PCDH11X: variants seen among roughly 807,000 people sequenced by gnomAD.
PCDH11X encodes the protein protocadherin 11 X-linked.
In PCDH11X, 18 loss-of-function variants were observed where a neutral mutation model predicts 53.3. That is an observed-to-expected ratio of 0.34 (90% CI 0.23 to 0.50). The LOEUF (loss-of-function observed/expected upper bound fraction) is 0.50, where lower values mean the gene tolerates loss of function less well. PCDH11X is among the 20% of genes least tolerant of loss of function. The pLI is 0.98. For missense variants in PCDH11X, 570 were observed against 1,032.4 expected (o/e 0.55, Z 6.14); for synonymous variants, 279 against 393.3 (o/e 0.71, Z 3.44).
chrX:92,204,003 A>G (rs987305528), intron 7 of PCDH11X, among the ~76,000 whole-genome samples: 1 of 112,141 alleles, frequency 8.9e-6, no homozygotes, highest in African/African-American at 3.2e-5. Context: ...GACCTGTGCT[A>G]TATTTTGGGT....
At chrX:92,155,805 T>C (rs1284979539) in intron 6 of PCDH11X, among the ~76,000 whole-genome samples, 1 of 108,567 alleles carries the variant, frequency 9.2e-6, no homozygotes, top group African/African-American at 3.4e-5. Context: ...TTTTTTTGTA[T>C]TTTTAGTAGA....
At chrX:91,845,983 A>G (rs1220874853) in intron 5 of PCDH11X, among the ~76,000 whole-genome samples, 1 of 110,986 alleles carries the variant, frequency 9.0e-6, no homozygotes, top group East Asian at 2.8e-4. Flanking sequence ...TTTTTCTCCA[A>G]CTGTTTTGTG....
intron 6 of PCDH11X, among the ~76,000 whole-genome samples, chrX:91,950,316 T>A (rs2147870571): frequency 9.4e-6 from 1 of 106,109 alleles, no homozygotes; most frequent in East Asian, 3.0e-4. Flanking sequence ...CCTCTCTTCT[T>A]CTGAGTCTCC....
chrX:92,346,915 G>T (rs369371406), intron 8 of PCDH11X, among the ~76,000 whole-genome samples: 1 of 111,285 alleles, frequency 9.0e-6, no homozygotes. Flanking sequence ...TATCCAGTAA[G>T]ATCTAGTTAT....
intron 7 of PCDH11X, among the ~76,000 whole-genome samples, chrX:92,260,681 C>T (rs1382837570): frequency 9.0e-6 from 1 of 111,192 alleles, no homozygotes; most frequent in Non-Finnish European, 1.9e-5. Context: ...CTTGCTCTGC[C>T]TCCACTCTCT....
At chrX:92,412,079 GGAGGAAGAA>G (rs1395738852) in intron 9 of PCDH11X, among the ~76,000 whole-genome samples, 4 of 89,703 alleles carry the variant, frequency 4.5e-5, no homozygotes, top group African/African-American at 9.1e-5. Flanking sequence ...AGGAGGAGGA[GGAGGAAGAA>G]GAAGAAGAAG....
At chrX:92,561,472 T>G (rs2148762446) in intron 10 of PCDH11X, among the ~76,000 whole-genome samples, 1 of 80,123 alleles carries the variant, frequency 1.2e-5, no homozygotes, top group Non-Finnish European at 2.5e-5. Context: ...TTAAAAGGAA[T>G]CAACCAGAAA....
At chrX:92,304,886 T>C (rs1201232123) in intron 8 of PCDH11X, among the ~76,000 whole-genome samples, 3 of 112,128 alleles carry the variant, frequency 2.7e-5, no homozygotes, top group African/African-American at 6.5e-5. Context: ...TATGATGATA[T>C]TGAATTGAAA....
At chrX:91,863,620 T>C (rs1938806912) in intron 5 of PCDH11X, among the ~76,000 whole-genome samples, 1 of 111,567 alleles carries the variant, frequency 9.0e-6, no homozygotes, top group African/African-American at 3.3e-5. Flanking sequence ...AAGTAAGGAC[T>C]TACTCCTGCC....
intron 8 of PCDH11X, among the ~76,000 whole-genome samples, chrX:92,284,957 A>G (rs2068330679): frequency 9.0e-6 from 1 of 111,406 alleles, no homozygotes; most frequent in Non-Finnish European, 1.9e-5. Context: ...GAACTGTGGC[A>G]TCTGGAAGCC....
intron 6 of PCDH11X, among the ~76,000 whole-genome samples, chrX:92,122,979 T>C (rs756000436): frequency 8.4e-4 from 93 of 110,632 alleles, no homozygotes; most frequent in African/African-American, 3.0e-3. Flanking sequence ...TAAAGGAAAA[T>C]CATAATCTGA....
rs2525167 is a variant in PCDH11X at position 91,902,188 on chromosome X, T to C, written c.3033+22915T>C. 2.7e-5 allele frequency among the ~76,000 whole-genome samples: 3 copies of C among 110,906 alleles called. No individual in the cohort carries two copies. The East Asian group carries it at 8.6e-4, about 32-fold the overall frequency. ...GTGTTTCTCATGTGTCCTGCTCAAATGGGAATGTTACGTCAACCACCTACA... is the reference window on the plus strand; with the variant it reads ...GTGTTTCTCATGTGTCCTGCTCAAACGGGAATGTTACGTCAACCACCTACA... On this transcript the variant is annotated intron_variant, in intron 6 of 10. Coordinates refer to ENST00000682573, the MANE Select transcript of PCDH11X (RefSeq NM_032968.5).
At chrX:92,348,520 T>G (rs1180525923) in intron 8 of PCDH11X, among the ~76,000 whole-genome samples, 50 of 75,592 alleles carry the variant, frequency 6.6e-4, no homozygotes, top group South Asian at 3.1e-3. Flanking sequence ...TCATTATTAT[T>G]ATTATTATTA....
intron 10 of PCDH11X, among the ~76,000 whole-genome samples, chrX:92,480,523 T>C (rs2073480398): frequency 9.1e-6 from 1 of 110,182 alleles, no homozygotes; most frequent in Non-Finnish European, 1.9e-5. Context: ...GTGAGGTTTT[T>C]TTTTTTTAAT....
intron 10 of PCDH11X, among the ~76,000 whole-genome samples, chrX:92,481,707 T>A (rs2073511506): frequency 9.0e-6 from 1 of 111,192 alleles, no homozygotes; most frequent in Non-Finnish European, 1.9e-5. Flanking sequence ...GCCTGGGGGG[T>A]GAGAGTCCCT....
intron 10 of PCDH11X, among the ~76,000 whole-genome samples, chrX:92,511,671 A>G (rs765242507): frequency 1.8e-5 from 2 of 111,717 alleles, no homozygotes; most frequent in East Asian, 5.6e-4. Context: ...TTAATTCAGT[A>G]TGTTTCTACG....
At chrX:92,471,485 C>T (rs1398930379) in intron 10 of PCDH11X, among the ~76,000 whole-genome samples, 1 of 107,142 alleles carries the variant, frequency 9.3e-6, no homozygotes, top group Non-Finnish European at 1.9e-5. Context: ...TGTATATGTA[C>T]CACATATTCT....
chrX:91,822,882 CTCATTGGTT>C (rs1936748472), intron 4 of PCDH11X, among the ~76,000 whole-genome samples: 1 of 111,284 alleles, frequency 9.0e-6, no homozygotes, highest in South Asian at 3.7e-4. Flanking sequence ...TGTCTTTGTT[CTCATTGGTT>C]TCAAAGAACA....
chrX:91,991,750 T>C (rs1415673891), intron 6 of PCDH11X, among the ~76,000 whole-genome samples: 1 of 110,071 alleles, frequency 9.1e-6, no homozygotes, highest in Non-Finnish European at 1.9e-5. Context: ...GTGATTTATA[T>C]GTTGACTCGC....
Sources: allele counts gnomAD v4.1 joint callset (sites outside exome capture counted in the v4.1 genomes callset), GRCh38; gene constraint gnomAD v4.1.1; transcripts MANE v1.5; gene names NCBI Gene and HGNC (gene_info 2026-07-23, HGNC 2026-07-21).